The following TLE6 variants were observed in gnomAD, a reference collection of about 807,000 sequenced individuals.
TLE6 encodes the protein transducin-like enhancer protein 6.
In TLE6, 72 loss-of-function variants were observed where a neutral mutation model predicts 77.1. The observed-to-expected ratio is 0.93, with a 90% CI of 0.77 to 1.14. The LOEUF (loss-of-function observed/expected upper bound fraction) is 1.14. Among genes scored for constraint, TLE6 ranks in the 50% most tolerant of loss-of-function variants. TLE6 has a pLI of 0.00. For missense variants in TLE6, 843 were observed against 747.6 expected (o/e 1.13, Z -1.49); for synonymous variants, 366 against 287.3 (o/e 1.27, Z -2.77).
At chr19:2,981,628 G>A (rs2088799777) in intron 4 of TLE6, 45 bp downstream of exon 4, 11 of 1,544,830 alleles carry the variant, frequency 7.1e-6, no homozygotes, top group Non-Finnish European at 9.6e-6. Context: ...GCCCCACTGG[G>A]ACAAGCTGAG....
At chr19:2,990,758 T>A (rs957194279) in intron 13 of TLE6, among the ~76,000 whole-genome samples, 2 of 151,094 alleles carry the variant, frequency 1.3e-5, no homozygotes, top group African/African-American at 2.4e-5. Context: ...CCCAGCACTT[T>A]GGGAGGCCGA....
intron 5 of TLE6, chr19:2,984,404 G>C (rs2088865637): frequency 6.7e-6 from 1 of 150,012 alleles, no homozygotes; most frequent in African/African-American, 2.5e-5. Flanking sequence ...CCGCCGTCCT[G>C]CTAAGGAAAC....
Position 2,989,178 on chromosome 19 carries a change from G to A in TLE6, c.858G>A (p.Gly286=). 1 of 1,614,132 alleles carries A rather than the reference G, an allele frequency of 6.2e-7. No homozygotes were observed. Residue 286 remains glycine, a synonymous_variant, in exon 12 of 17, where the codon GGG becomes GGA. Transcript: ENST00000246112. ...KLEKMRILAH[G]ELVLATAISS... ...AAAAGATGCGGATCTTGGCACACGGGGAGCTCGTGCTCGCCACGGCCATCA... is the reference window on the plus strand; with the variant it reads ...AAAAGATGCGGATCTTGGCACACGGAGAGCTCGTGCTCGCCACGGCCATCA...
intron 16 of TLE6, among the ~76,000 whole-genome samples, chr19:2,994,471 G>T (rs528270433): frequency 6.6e-6 from 1 of 152,104 alleles, no homozygotes; most frequent in African/African-American, 2.4e-5. Context: ...TTAGTTGGGC[G>T]TGGTGGTGGG....
chr19:2,991,571 A>G (rs772427099), intron 13 of TLE6, among the ~76,000 whole-genome samples: 1 of 151,006 alleles, frequency 6.6e-6, no homozygotes, highest in Non-Finnish European at 1.5e-5. Flanking sequence ...GACCTGCCTC[A>G]GAGCTCGGGT....
intron 13 of TLE6, among the ~76,000 whole-genome samples, chr19:2,990,987 T>A (rs1387739971): frequency 6.7e-6 from 1 of 149,950 alleles, no homozygotes; most frequent in Non-Finnish European, 1.5e-5. Context: ...AGAGTGAGAC[T>A]CTGACTCAAA....
Position 2,995,061 on chromosome 19 carries a change from C to A in TLE6, c.*57C>A, listed in dbSNP as rs1428765664. 21 of 1,030,644 alleles carry A rather than the reference C, an allele frequency of 2.0e-5. No individual in the cohort carries two copies. Among genetic ancestry groups the A allele is most frequent in the Admixed American group, 6.2e-5 (3 of 48,742 alleles). The allele number at this position is 1,030,644 out of a possible 1,614,324, so 63.8% of individuals were successfully genotyped here. ...CCTCTTTTCATCCCCCCCCTTCCCCCCCCCCAACAAGGGGGACATGGTGGA... is the reference window on the plus strand; with the variant it reads ...CCTCTTTTCATCCCCCCCCTTCCCCACCCCCAACAAGGGGGACATGGTGGA... On this transcript the variant is annotated 3_prime_UTR_variant, in exon 17 of 17. Coordinates refer to ENST00000246112, the MANE Select transcript of TLE6 (RefSeq NM_001143986.2).
chr19:2,980,262 T>C lies in TLE6; in HGVS notation c.134+80T>C. ...CCTCTCTCCCGGGGGTCCTAGTGAG[T>C]GGTCTAGAGGCTGCTGGCCCAAGAG... On this transcript the variant is annotated intron_variant, in intron 3 of 16. Coordinates refer to ENST00000246112, the MANE Select transcript of TLE6 (RefSeq NM_001143986.2). 2.4e-6 allele frequency: 3 copies of C among 1,256,480 alleles called. No homozygotes were observed. In the South Asian group the frequency reaches 3.9e-5, roughly 16 times the overall value. 77.8% of individuals were successfully genotyped at this position (1,256,480 alleles called of 1,614,324 possible). A position where few individuals can be genotyped will look rare whatever the true frequency, so the allele number is the denominator to read the frequency against.
At position 2,989,265 on chromosome 19, in the gene TLE6, T is replaced by A; in HGVS notation, c.945T>A (p.Thr315=). 6.2e-7 allele frequency: 1 copy of A among 1,613,720 alleles called. No homozygotes were observed. The highest frequency in any genetic ancestry group is 1.7e-5 in the Admixed American group (1 of 60,016). The change falls in exon 12 of 17, where the codon ACT becomes ACA. Residue 315 remains threonine (T), a synonymous_variant. Transcript: ENST00000246112. ...GAGGCATCAAGGTGTGGAGCCTGAC[T>A]GGACAGGTGGCTGAGGACAGGTTCC... ...GRRGIKVWSL[T]GQVAEDRFPE...
intron 14 of TLE6, 52 bp from the exon 15 acceptor site, chr19:2,993,380 G>A (rs1015856525): frequency 8.4e-6 from 13 of 1,542,502 alleles, no homozygotes; most frequent in Middle Eastern, 1.9e-4. Context: ...CTGCTTCCTG[G>A]GCCAGGCTGG....
At chr19:2,981,253 G>C (rs146222191) in intron 3 of TLE6, among the ~76,000 whole-genome samples, 2 of 151,148 alleles carry the variant, frequency 1.3e-5, no homozygotes, top group East Asian at 3.9e-4. Flanking sequence ...CCAGCTACTC[G>C]GGAGGTCGAG....
At chr19:2,983,072 G>A (rs540988607) in intron 5 of TLE6, among the ~76,000 whole-genome samples, 10 of 152,270 alleles carry the variant, frequency 6.6e-5, no homozygotes, top group Admixed American at 5.2e-4. Flanking sequence ...GCGCTGGCAG[G>A]ATTTTCCGCC....
rs544089044 is a variant in TLE6, at chr19:2,992,064, C to T, written c.1386+80C>T. 89 of 1,543,374 alleles carry T rather than the reference C, an allele frequency of 5.8e-5. No homozygotes were observed. The African/African-American group carries it at 9.0e-4, about 16-fold the overall frequency. On this transcript the variant is annotated intron_variant, in intron 14 of 16. Transcript: ENST00000246112. ...AAAAAATGAGGTTGAGGCCGGGCTC[C>T]GTGGCTCACGCCTATAATCCTAGCA...
At chr19:2,993,803 G>A (rs958932097) in intron 15 of TLE6, among the ~76,000 whole-genome samples, 12 of 144,112 alleles carry the variant, frequency 8.3e-5, no homozygotes, top group Admixed American at 2.8e-4. Flanking sequence ...GTCCGCCTCC[G>A]CCCTTCCCCC....
chr19:2,982,220 G>T (rs2088812171), intron 5 of TLE6, 31 bp downstream of exon 5: 1 of 1,550,720 alleles, frequency 6.4e-7, no homozygotes, highest in African/African-American at 1.4e-5. Flanking sequence ...GGGTGCGGCT[G>T]TCCCTCCATG....
rs746623996 is a variant in TLE6, at chr19:2,987,231, A to G, written c.534A>G (p.Arg178=). 4 of 1,614,022 alleles carry G rather than the reference A, an allele frequency of 2.5e-6. No individual in the cohort carries two copies. Among genetic ancestry groups the G allele is most frequent in the Non-Finnish European group, 3.4e-6 (4 of 1,180,028 alleles). The change falls in exon 7 of 17, where the codon AGA becomes AGG. Residue 178 remains arginine (R), a synonymous_variant. Coordinates refer to ENST00000246112, the MANE Select transcript of TLE6 (RefSeq NM_001143986.2). ...AGVHDEKAKP[R]DRQQAPGLGQ... ...TCCACGATGAGAAGGCAAAGCCCAG[A>G]GACAGACGTGAGTGTCCCTGAGGGT...
intron 13 of TLE6, among the ~76,000 whole-genome samples, chr19:2,991,395 T>TATATATATATACAC (rs1555686268): frequency 2.6e-5 from 3 of 114,150 alleles, no homozygotes; most frequent in South Asian, 2.7e-4. Flanking sequence ...TATATATATA[T>TATATATATATACAC]ACACACACAC....
chr19:2,983,438 GAGA>G (rs1159405145), intron 5 of TLE6, among the ~76,000 whole-genome samples: 1 of 152,242 alleles, frequency 6.6e-6, no homozygotes, highest in East Asian at 1.9e-4. Flanking sequence ...GAAGGCATGC[GAGA>G]AGGTGACATC....
chr19:2,994,338 C>T (rs935746539), intron 16 of TLE6, among the ~76,000 whole-genome samples: 18 of 152,138 alleles, frequency 1.2e-4, no homozygotes, highest in East Asian at 1.9e-4. Context: ...GAGCCGGGTG[C>T]GGTGGCTCAC....
Sources: allele counts gnomAD v4.1 joint callset (sites outside exome capture counted in the v4.1 genomes callset), GRCh38; gene constraint gnomAD v4.1.1; transcripts MANE v1.5; gene names NCBI Gene and HGNC (gene_info 2026-07-23, HGNC 2026-07-21).